CCSER1: variants seen among roughly 807,000 people sequenced by gnomAD.
The protein encoded by CCSER1 is coiled-coil serine rich protein 1.
A neutral mutation model predicts 82.0 loss-of-function variants in CCSER1; 41 were observed. That is an observed-to-expected ratio of 0.50 (90% CI 0.39 to 0.65). CCSER1 has a LOEUF of 0.65. Ranked by LOEUF, CCSER1 falls within the 30% of genes least tolerant of loss-of-function variation. CCSER1 has a pLI of 0.00. For missense variants in CCSER1, 1,119 were observed against 1,064.2 expected, an observed-to-expected ratio of 1.05 and a Z score of -0.72; for synonymous variants, 414 against 383.9, an observed-to-expected ratio of 1.08 and a Z score of -0.92.
chr4:90,743,351 A>G (rs1746873004), intron 7 of CCSER1, among the ~76,000 whole-genome samples: 1 of 152,206 alleles, frequency 6.6e-6, no homozygotes, highest in African/African-American at 2.4e-5. Flanking sequence ...GAATATTCTG[A>G]GAAACTGTTG....
At chr4:91,180,250 AG>A (rs959550202) in intron 10 of CCSER1, among the ~76,000 whole-genome samples, 10 of 152,200 alleles carry the variant, frequency 6.6e-5, no homozygotes, top group African/African-American at 2.4e-4. Flanking sequence ...TAGGCTACTC[AG>A]GGGTCAGGGA....
intron 10 of CCSER1, among the ~76,000 whole-genome samples, chr4:91,236,956 A>G (rs968748149): frequency 6.6e-6 from 1 of 152,168 alleles, no homozygotes; most frequent in Non-Finnish European, 1.5e-5. Context: ...ATTAGGCCCA[A>G]TTTTGTAGGA....
intron 5 of CCSER1, among the ~76,000 whole-genome samples, chr4:90,562,665 G>A (rs1419890324): frequency 6.6e-6 from 1 of 151,916 alleles, no homozygotes; most frequent in African/African-American, 2.4e-5. Flanking sequence ...AGCCTCCCAA[G>A]TAGCTGGGAC....
intron 5 of CCSER1, among the ~76,000 whole-genome samples, chr4:90,489,680 C>G (rs114659506): frequency 2.0e-5 from 3 of 152,298 alleles, no homozygotes; most frequent in Admixed American, 6.5e-5. Flanking sequence ...CTCCACCCAA[C>G]CCCATGACAG....
chr4:91,508,179 T>C (rs79549519), intron 10 of CCSER1, among the ~76,000 whole-genome samples: 1,410 of 139,562 alleles, frequency 0.01, 25 homozygotes, highest in African/African-American at 0.035. Flanking sequence ...TTTTTTTTTT[T>C]CCTGATCTTG....
At chr4:90,574,100 CTGA>C (rs1337785432) in intron 5 of CCSER1, among the ~76,000 whole-genome samples, 1 of 151,086 alleles carries the variant, frequency 6.6e-6, no homozygotes, top group Admixed American at 6.6e-5. Context: ...TGCCTCAGCA[CTGA>C]TATATTTTAA....
chr4:90,553,961 T>C (rs1266313317), intron 5 of CCSER1, among the ~76,000 whole-genome samples: 2 of 152,230 alleles, frequency 1.3e-5, no homozygotes, highest in Non-Finnish European at 2.9e-5. Context: ...CAAAGAACTC[T>C]AGACGTACTA....
intron 1 of CCSER1, among the ~76,000 whole-genome samples, chr4:90,238,191 AC>A (rs1746150377): frequency 2.0e-5 from 3 of 152,186 alleles, no homozygotes; most frequent in Admixed American, 2.0e-4. Flanking sequence ...AAGCCCTTGT[AC>A]CTTATATAAC....
At chr4:91,163,503 G>A (rs942784371) in intron 10 of CCSER1, among the ~76,000 whole-genome samples, 3 of 152,180 alleles carry the variant, frequency 2.0e-5, no homozygotes, top group African/African-American at 7.2e-5. Flanking sequence ...CTTCTGTCTT[G>A]TTGATCTGCC....
intron 9 of CCSER1, among the ~76,000 whole-genome samples, chr4:91,073,993 T>G (rs1041972589): frequency 6.6e-6 from 1 of 152,092 alleles, no homozygotes; most frequent in Non-Finnish European, 1.5e-5. Context: ...GTCACTAATA[T>G]GATGCTGCCA....
Position 90,815,744 on chromosome 4 carries a change from T to G in CCSER1, c.2011-18T>G. ...AAAGGGCTAAGCCTATTATGCTGTC[T>G]CTTTGATGTTTTTATAGGATATAAT... On this transcript the variant is annotated intron_variant, in intron 7 of 10. Coordinates refer to ENST00000509176, the MANE Select transcript of CCSER1 (RefSeq NM_001145065.2). The G allele has an allele frequency of 1.3e-6, 2 of 1,539,582 alleles. No individual in the cohort carries two copies. The highest frequency in any genetic ancestry group is 2.7e-5 in the African/African-American group (2 of 72,956).
At chr4:91,100,525 T>G (rs541028501) in intron 10 of CCSER1, among the ~76,000 whole-genome samples, 52 of 152,322 alleles carry the variant, frequency 3.4e-4, no homozygotes, top group Admixed American at 5.9e-4. Flanking sequence ...GGTCTGATTT[T>G]TAAAGGATTT....
intron 7 of CCSER1, among the ~76,000 whole-genome samples, chr4:90,736,226 G>A (rs1413621246): frequency 6.6e-6 from 1 of 152,006 alleles, no homozygotes; most frequent in South Asian, 2.1e-4. Flanking sequence ...GGTCCATTTG[G>A]CCTGTTGTCC....
At chr4:91,153,209 C>A (rs1475008082) in intron 10 of CCSER1, among the ~76,000 whole-genome samples, 1 of 151,924 alleles carries the variant, frequency 6.6e-6, no homozygotes, top group Non-Finnish European at 1.5e-5. Context: ...TTGTTCATTT[C>A]TTGTTACTGT....
intron 1 of CCSER1, among the ~76,000 whole-genome samples, chr4:90,209,327 T>C (rs1348288079): frequency 6.6e-6 from 1 of 152,162 alleles, no homozygotes; most frequent in Non-Finnish European, 1.5e-5. Context: ...GAGCATTCTG[T>C]GTACTACTAT....
chr4:91,093,962 A>G (rs1724236569), intron 10 of CCSER1, among the ~76,000 whole-genome samples: 1 of 152,206 alleles, frequency 6.6e-6, no homozygotes, highest in Non-Finnish European at 1.5e-5. Context: ...TAAGCTGCAG[A>G]TGACTTGCTT....
At chr4:90,828,493 G>A (rs976905714) in intron 8 of CCSER1, among the ~76,000 whole-genome samples, 10 of 152,110 alleles carry the variant, frequency 6.6e-5, no homozygotes, top group African/African-American at 2.4e-4. Context: ...CTCAGTGGAT[G>A]AACAAAACAA....
At position 90,723,989 on chromosome 4, in the gene CCSER1, AAG is replaced by A; in HGVS notation, c.2009_2010del (p.Lys670ArgfsTer6). 1 of 1,549,070 alleles carries A rather than the reference AAG, an allele frequency of 6.5e-7. No individual in the cohort carries two copies. Among genetic ancestry groups the A allele is most frequent in the Non-Finnish European group, 8.8e-7 (1 of 1,139,560 alleles). On this transcript the variant is annotated frameshift_variant and splice_region_variant, in exon 7 of 11. Coordinates refer to ENST00000509176, the MANE Select transcript of CCSER1 (RefSeq NM_001145065.2). LOFTEE classifies it high-confidence loss of function. The part of the protein sequence containing the change: ...SPLTEEPVPF[K>X]DIMKDECSML... The stretch of plus-strand genomic sequence containing the variant: ...TCTTACTGAAGAGCCAGTGCCTTTC[AAG>A]GTAAAAAACAAACAAGAAAGCATTA...
chr4:90,779,411 T>C (rs72663609), intron 7 of CCSER1, among the ~76,000 whole-genome samples: 4 of 149,578 alleles, frequency 2.7e-5, no homozygotes, highest in African/African-American at 9.8e-5. Flanking sequence ...CATCATACTT[T>C]AAAAAAAAAA....
Sources: gnomAD v4.1 joint callset for allele counts (sites outside exome capture counted in the v4.1 genomes callset) on GRCh38, gnomAD v4.1.1 for gene constraint, MANE v1.5 for transcripts, NCBI Gene and HGNC (gene_info 2026-07-23, HGNC 2026-07-21) for gene names.